Variants in TMEM38B observed in about 807,000 individuals in gnomAD.
The protein encoded by TMEM38B is transmembrane protein 38B, also known as trimeric intracellular cation channel type B.
In TMEM38B, 24 loss-of-function variants were observed where a neutral mutation model predicts 28.7. The observed-to-expected ratio is 0.84, with a 90% confidence interval of 0.61 to 1.18. TMEM38B has a LOEUF of 1.18. Among genes scored for constraint, TMEM38B ranks in the 50% most tolerant of loss-of-function variants. The probability of loss-of-function intolerance (pLI) is 0.00; values close to 1 mark genes in which losing one functional copy is unlikely to be tolerated. For synonymous variants in TMEM38B, 131 were observed against 127.7 expected (o/e 1.03, Z -0.17); for missense variants, 380 against 350.9 (o/e 1.08, Z -0.66).
intron 5 of TMEM38B, among the ~76,000 whole-genome samples, chr9:105,754,420 A>G (rs917408493): frequency 6.6e-6 from 1 of 152,210 alleles, no homozygotes; most frequent in African/African-American, 2.4e-5. Flanking sequence ...AAAGAACTGA[A>G]ATAATAACAG....
chr9:105,738,338 T>C (rs1375260383), intron 4 of TMEM38B, among the ~76,000 whole-genome samples: 14 of 152,140 alleles, frequency 9.2e-5, no homozygotes, highest in African/African-American at 3.4e-4. Context: ...AAGCTGACCC[T>C]GTCAGGGGAA....
intron 4 of TMEM38B, among the ~76,000 whole-genome samples, chr9:105,745,273 A>G (rs192596117): frequency 1.5e-3 from 222 of 152,174 alleles, no homozygotes; most frequent in African/African-American, 4.8e-3. Context: ...TTTAATGATC[A>G]CCATTCTAAC....
intron 2 of TMEM38B, among the ~76,000 whole-genome samples, chr9:105,720,727 C>T (rs1455802873): frequency 6.6e-6 from 1 of 151,720 alleles, no homozygotes; most frequent in Non-Finnish European, 1.5e-5. Flanking sequence ...TTTTATTTAC[C>T]CCGTTAGAAA....
At chr9:105,706,188 C>T (rs938697841) in intron 2 of TMEM38B, among the ~76,000 whole-genome samples, 3 of 152,168 alleles carry the variant, frequency 2.0e-5, no homozygotes. Flanking sequence ...TGTGAGCCAC[C>T]GCACCCAGCC....
At chr9:105,732,476 A>G (rs912074148) in intron 4 of TMEM38B, among the ~76,000 whole-genome samples, 4 of 152,080 alleles carry the variant, frequency 2.6e-5, no homozygotes, top group Non-Finnish European at 5.9e-5. Context: ...ATCTTGAATT[A>G]ATTTTTGTAT....
chr9:105,694,735 C>T lies in TMEM38B; in HGVS notation c.75C>T (p.His25=), dbSNP rs754515936. Residue 25 remains histidine (H), a synonymous_variant, in exon 1 of 6, where the codon CAC becomes CAT. Transcript: ENST00000374692. ...TGTTTCCCTTTTTTGACATCGCGCA[C>T]TATCTAGTGTCAGTGATGGCGGTGA... is the stretch of plus-strand genomic sequence containing the variant. ...TSMFPFFDIA[H]YLVSVMAVKR... 1.9e-6 allele frequency: 3 copies of T among 1,612,796 alleles called. No homozygotes were observed. Among genetic ancestry groups the T allele is most frequent in the Admixed American group, 1.7e-5 (1 of 59,908 alleles).
chr9:105,733,279 T>G (rs1836834477), intron 4 of TMEM38B, among the ~76,000 whole-genome samples: 1 of 152,164 alleles, frequency 6.6e-6, no homozygotes, highest in African/African-American at 2.4e-5. Context: ...ATGTATTTCT[T>G]TATAGCAACA....
chr9:105,727,396 C>T (rs374561942), intron 4 of TMEM38B, among the ~76,000 whole-genome samples: 16 of 152,220 alleles, frequency 1.1e-4, no homozygotes, highest in African/African-American at 3.9e-4. Flanking sequence ...GCAAGATCTC[C>T]CTTTATAAGG....
intron 5 of TMEM38B, among the ~76,000 whole-genome samples, chr9:105,749,797 T>C (rs144160356): frequency 6.6e-6 from 1 of 152,356 alleles, no homozygotes; most frequent in Non-Finnish European, 1.5e-5. Context: ...TGTGTCACTT[T>C]TTGGCTAATA....
chr9:105,757,244 G>T (rs1237055759), intron 5 of TMEM38B, among the ~76,000 whole-genome samples: 2 of 152,044 alleles, frequency 1.3e-5, no homozygotes, highest in South Asian at 4.2e-4. Flanking sequence ...TTATTATTTT[G>T]TTCCTTTTTA....
chr9:105,774,153 A>G lies in TMEM38B; in HGVS notation c.*73A>G, dbSNP rs1485732404. ...CCTGTTATATTGTGCTAATTTTTCT[A>G]TGTATGTGATGTGAAATGAAGACTA... On this transcript the variant is annotated 3_prime_UTR_variant, in exon 6 of 6. Transcript: ENST00000374692. The G allele has an allele frequency of 1.2e-5, 15 of 1,225,654 alleles. No individual in the cohort carries two copies. Among genetic ancestry groups the G allele is most frequent in the South Asian group, 2.8e-5 (2 of 71,618 alleles). 75.9% of individuals were successfully genotyped at this position (1,225,654 alleles called of 1,614,324 possible). A position where few individuals can be genotyped will look rare whatever the true frequency, so the allele number is the denominator to read the frequency against.
chr9:105,758,061 C>G (rs1040838640), intron 5 of TMEM38B: 2 of 311,338 alleles, frequency 6.4e-6, no homozygotes, highest in Non-Finnish European at 1.2e-5. Flanking sequence ...CTATTCAAAT[C>G]GGCGGCAGGG....
chr9:105,703,798 G>A (rs1460874677), intron 1 of TMEM38B, among the ~76,000 whole-genome samples: 1 of 152,144 alleles, frequency 6.6e-6, no homozygotes, highest in African/African-American at 2.4e-5. Context: ...CTGATGGCCA[G>A]CGATGATGAG....
intron 5 of TMEM38B, among the ~76,000 whole-genome samples, chr9:105,772,991 A>G (rs10978240): frequency 0.11 from 17,350 of 152,100 alleles, 1,486 homozygotes; most frequent in East Asian, 0.47. Context: ...ATTTTCCCCA[A>G]GCAGGTAGGT....
intron 5 of TMEM38B, chr9:105,760,395 G>A: frequency 1.3e-6 from 1 of 747,102 alleles, no homozygotes; most frequent in Non-Finnish European, 2.5e-6. Context: ...AGACTGCAGT[G>A]GAAAAACATC....
chr9:105,703,892 GTTGT>G (rs574012101), intron 1 of TMEM38B, among the ~76,000 whole-genome samples: 3,516 of 152,074 alleles, frequency 0.023, 133 homozygotes, highest in African/African-American at 0.081. Context: ...TTTTGATGGG[GTTGT>G]TTGTTTTTTT....
At chr9:105,714,610 TG>T (rs1836028484) in intron 2 of TMEM38B, among the ~76,000 whole-genome samples, 1 of 152,222 alleles carries the variant, frequency 6.6e-6, no homozygotes, top group Non-Finnish European at 1.5e-5. Context: ...TATGAGCTCA[TG>T]GACTAACTAT....
At chr9:105,710,774 C>T (rs961077507) in intron 2 of TMEM38B, 6 of 530,466 alleles carry the variant, frequency 1.1e-5, no homozygotes, top group Admixed American at 2.1e-5. Context: ...CGGCAGGTAG[C>T]GGGACATGAA....
At chr9:105,733,606 A>G (rs897081310) in intron 4 of TMEM38B, among the ~76,000 whole-genome samples, 1 of 151,686 alleles carries the variant, frequency 6.6e-6, no homozygotes, top group Non-Finnish European at 1.5e-5. Flanking sequence ...TGGGCTTTTT[A>G]TTCCCTTGGG....
Sources: allele counts gnomAD v4.1 joint callset (sites outside exome capture counted in the v4.1 genomes callset), GRCh38; gene constraint gnomAD v4.1.1; transcripts MANE v1.5; gene names NCBI Gene and HGNC (gene_info 2026-07-23, HGNC 2026-07-21).